The following IKZF2 variants were observed in gnomAD, a reference collection of about 807,000 sequenced individuals.
The protein encoded by IKZF2 is zinc finger protein Helios.
IKZF2 carries 15 observed loss-of-function variants against 49.2 expected under a neutral mutation model. The observed-to-expected ratio is 0.30, with a 90% CI of 0.20 to 0.47. The LOEUF (loss-of-function observed/expected upper bound fraction) is 0.47. IKZF2 is among the 20% of genes least tolerant of loss of function. The pLI is 1.00. For missense variants in IKZF2, 567 were observed against 664.6 expected (o/e 0.85, Z 1.61); for synonymous variants, 227 against 221.4 (o/e 1.03, Z -0.23).
intron 6 of IKZF2, among the ~76,000 whole-genome samples, chr2:213,045,554 A>T (rs1700069957): frequency 6.6e-6 from 1 of 152,194 alleles, no homozygotes. Flanking sequence ...CTGGAATATT[A>T]TATTCATGAC....
At chr2:213,035,418 A>T (rs1698917446) in intron 6 of IKZF2, among the ~76,000 whole-genome samples, 1 of 152,194 alleles carries the variant, frequency 6.6e-6, no homozygotes. Flanking sequence ...CACAGACAAC[A>T]TGTGTATAAA....
chr2:213,061,572 C>T (rs868533384), intron 4 of IKZF2, among the ~76,000 whole-genome samples: 6 of 151,148 alleles, frequency 4.0e-5, no homozygotes, highest in Admixed American at 2.6e-4. Context: ...TCATTACATA[C>T]ATTTGTAGAC....
At chr2:213,092,622 C>T (rs1705484499) in intron 4 of IKZF2, among the ~76,000 whole-genome samples, 1 of 152,148 alleles carries the variant, frequency 6.6e-6, no homozygotes, top group Admixed American at 6.6e-5. Context: ...GTGCCCAGCT[C>T]AGTCAAGGGT....
intron 4 of IKZF2, among the ~76,000 whole-genome samples, chr2:213,060,803 C>T (rs952129868): frequency 6.6e-6 from 1 of 151,350 alleles, no homozygotes; most frequent in Non-Finnish European, 1.5e-5. Flanking sequence ...TTCTATTTAG[C>T]ATTTATATTT....
At chr2:213,019,753 G>A (rs1049762515) in intron 7 of IKZF2, among the ~76,000 whole-genome samples, 10 of 152,098 alleles carry the variant, frequency 6.6e-5, no homozygotes, top group Non-Finnish European at 1.3e-4. Flanking sequence ...TCCCCCACTT[G>A]GTTCCAGCTT....
chr2:213,062,419 C>T (rs891911443), intron 4 of IKZF2, among the ~76,000 whole-genome samples: 4 of 151,576 alleles, frequency 2.6e-5, no homozygotes, highest in East Asian at 3.9e-4. Context: ...ATAAAATAAG[C>T]TTTCTAGTTT....
intron 4 of IKZF2, among the ~76,000 whole-genome samples, chr2:213,122,741 A>G (rs1206288724): frequency 6.6e-6 from 1 of 152,196 alleles, no homozygotes; most frequent in Non-Finnish European, 1.5e-5. Context: ...AATTCTCCAA[A>G]CTAAAGTAAA....
intron 6 of IKZF2, among the ~76,000 whole-genome samples, chr2:213,024,345 C>T (rs548168016): frequency 6.6e-6 from 1 of 152,156 alleles, no homozygotes; most frequent in Non-Finnish European, 1.5e-5. Context: ...TAACAGACTA[C>T]TATGTACCAA....
At chr2:213,021,095 C>T (rs566831374) in intron 7 of IKZF2, among the ~76,000 whole-genome samples, 1 of 152,186 alleles carries the variant, frequency 6.6e-6, no homozygotes, top group South Asian at 2.1e-4. Flanking sequence ...TGCCTGTAAT[C>T]CCAGTTACTT....
chr2:213,135,855 C>A (rs2060639493), intron 4 of IKZF2, among the ~76,000 whole-genome samples: 1 of 150,968 alleles, frequency 6.6e-6, no homozygotes, highest in Non-Finnish European at 1.5e-5. Flanking sequence ...ACGAGAGCGC[C>A]TGACCAACAT....
In IKZF2 at chr2:213,007,472, A is replaced by G; in HGVS notation, c.1469T>C (p.Met490Thr). 1 of 1,613,634 alleles carries G rather than the reference A, an allele frequency of 6.2e-7. No individual in the cohort carries two copies. The highest frequency in any genetic ancestry group is 8.5e-7 in the Non-Finnish European group (1 of 1,179,664). Residue 490 changes from methionine to threonine, a missense_variant, in exon 9 of 9, where the codon ATG becomes ACG. Physicochemically the swap from Met to Thr is moderately conservative, Grantham distance 81. Transcript: ENST00000434687. ...TGGGTCCCGGTAGCCATGGCAACCC[A>G]TGTGAATGGTGTACATGACATGGTC... ...FLDHVMYTIHMGCHGYRDPLE... is the reference protein window; with the variant it reads ...FLDHVMYTIHTGCHGYRDPLE...
intron 7 of IKZF2, 44 bp from the exon 8 acceptor site, chr2:213,013,978 C>A (rs1281965263): frequency 1.3e-6 from 2 of 1,587,418 alleles, no homozygotes; most frequent in Admixed American, 3.4e-5. Flanking sequence ...ATTTCTTCAA[C>A]ATTTTGGATG....
intron 4 of IKZF2, among the ~76,000 whole-genome samples, chr2:213,104,938 A>G (rs1002048367): frequency 3.3e-5 from 5 of 152,166 alleles, no homozygotes; most frequent in Admixed American, 3.3e-4. Context: ...GGGCCAACCC[A>G]TTTATAACTA....
At chr2:213,043,582 C>A (rs1487407013) in intron 6 of IKZF2, among the ~76,000 whole-genome samples, 3 of 152,314 alleles carry the variant, frequency 2.0e-5, no homozygotes, top group Admixed American at 2.0e-4. Context: ...CACCAGGGAC[C>A]AGTTTCATGG....
chr2:213,103,373 T>TA (rs1316748637), intron 4 of IKZF2, among the ~76,000 whole-genome samples: 1 of 152,078 alleles, frequency 6.6e-6, no homozygotes, highest in Admixed American at 6.6e-5. Flanking sequence ...AAAAGGATAA[T>TA]AAAAAGTATT....
intron 4 of IKZF2, among the ~76,000 whole-genome samples, chr2:213,060,395 T>C (rs1052219302): frequency 3.3e-5 from 5 of 151,430 alleles, no homozygotes; most frequent in African/African-American, 1.2e-4. Context: ...ATTACAACTA[T>C]TAACCACTGT....
At chr2:213,047,387 T>C (rs1290465334) in intron 6 of IKZF2, among the ~76,000 whole-genome samples, 3 of 152,110 alleles carry the variant, frequency 2.0e-5, no homozygotes, top group Non-Finnish European at 1.5e-5. Context: ...GGGTGTGTTC[T>C]ACAGGATATT....
intron 4 of IKZF2, among the ~76,000 whole-genome samples, chr2:213,126,738 A>G (rs1472035751): frequency 2.0e-5 from 3 of 152,200 alleles, no homozygotes; most frequent in Non-Finnish European, 2.9e-5. Flanking sequence ...TTGAAGAAAA[A>G]ATATTATAAT....
rs867544755 is a variant in IKZF2 at position 213,010,898 on chromosome 2, G to A, written c.857-2814C>T. Among the ~76,000 whole-genome samples, 16 of 152,052 alleles carry A rather than the reference G, an allele frequency of 1.1e-4. 1 individual carries two copies. The highest frequency in any genetic ancestry group is 2.2e-4 in the Non-Finnish European group (15 of 67,980). On this transcript the variant is annotated intron_variant, in intron 8 of 8. Transcript: ENST00000434687. ...TAAAAATATTTAGGCATATGAATGG[G>A]GGCCTCCATTTGTACTTTGGCCAAC...
Sources: allele counts gnomAD v4.1 joint callset (sites outside exome capture counted in the v4.1 genomes callset), GRCh38; gene constraint gnomAD v4.1.1; transcripts MANE v1.5; gene names NCBI Gene and HGNC (gene_info 2026-07-23, HGNC 2026-07-21).